FDFT1: variants seen among roughly 807,000 people sequenced by gnomAD.
FDFT1 encodes farnesyl-diphosphate farnesyltransferase 1, also known as squalene synthase.
FDFT1 carries 68 observed loss-of-function variants against 46.8 expected under a neutral mutation model. The observed-to-expected ratio is 1.45, with a 90% CI of 1.19 to 1.78. FDFT1 has a LOEUF of 1.78. Among genes scored for constraint, FDFT1 ranks in the 40% most tolerant of loss-of-function variants. The probability of loss-of-function intolerance (pLI) is 0.00; values close to 1 mark genes in which losing one functional copy is unlikely to be tolerated. For missense variants in FDFT1, 928 were observed against 524.4 expected (o/e 1.77, Z -7.52); for synonymous variants, 351 against 185.1 (o/e 1.90, Z -7.28).
At position 11,832,724 on chromosome 8, in the gene FDFT1, C is replaced by T. The variant is rs115783023; in HGVS notation, c.1032+1054C>T. Among the ~76,000 whole-genome samples, 593 of 152,066 alleles carry T rather than the reference C, an allele frequency of 3.9e-3. 2 individuals carry two copies. The highest frequency in any genetic ancestry group is 0.014 in the African/African-American group (573 of 41,500). ...TTTGATTGTCCTAACCGGCAGGAAT[C>T]GGGTGCTACTGGCATCTGGTGAGTA... is the stretch of plus-strand genomic sequence containing the variant. On this transcript the variant is annotated intron_variant, in intron 7 of 7. Coordinates refer to ENST00000220584, the MANE Select transcript of FDFT1 (RefSeq NM_004462.5).
intron 1 of FDFT1, chr8:11,803,501 C>G: frequency 8.2e-7 from 1 of 1,225,930 alleles, no homozygotes; most frequent in Non-Finnish European, 1.0e-6. Flanking sequence ...TATGGATTAG[C>G]TAGGTGGTTG....
chr8:11,822,055 C>T (rs534745610), intron 4 of FDFT1, among the ~76,000 whole-genome samples, 177 bp downstream of exon 4: 10 of 152,274 alleles, frequency 6.6e-5, no homozygotes, highest in South Asian at 6.2e-4. Flanking sequence ...AATTCCAAAC[C>T]AGCAGCTATG....
chr8:11,822,824 T>TAA (rs1809448065), intron 4 of FDFT1, among the ~76,000 whole-genome samples: 1 of 152,002 alleles, frequency 6.6e-6, no homozygotes, highest in South Asian at 2.1e-4. Flanking sequence ...TGAAAGAAAA[T>TAA]AAAGTTGAAG....
chr8:11,797,551 A>G (rs1689983436), upstream of FDFT1, among the ~76,000 whole-genome samples: 1 of 141,226 alleles, frequency 7.1e-6, no homozygotes, highest in South Asian at 2.3e-4. Flanking sequence ...CACAGCTACT[A>G]GGGAAGCTGA....
At chr8:11,812,528 G>A (rs915852826) in intron 3 of FDFT1, among the ~76,000 whole-genome samples, 1 of 152,150 alleles carries the variant, frequency 6.6e-6, no homozygotes, top group African/African-American at 2.4e-5. Flanking sequence ...GCTGCATTCT[G>A]GAATAAAACT....
intron 5 of FDFT1, among the ~76,000 whole-genome samples, chr8:11,827,695 T>G (rs546298941): frequency 2.2e-4 from 33 of 152,210 alleles, no homozygotes; most frequent in African/African-American, 7.7e-4. Context: ...CACAGATGAT[T>G]ATTAAAAATC....
exon 1 of FDFT1, chr8:11,795,594 G>C (rs369900138): frequency 1.5e-4 from 21 of 143,502 alleles, no homozygotes; most frequent in African/African-American, 5.1e-4. Flanking sequence ...CAACACGCTG[G>C]GTTTGCTTTA....
intron 3 of FDFT1, among the ~76,000 whole-genome samples, chr8:11,818,343 T>G (rs1465922395): frequency 6.6e-6 from 1 of 152,224 alleles, no homozygotes; most frequent in Non-Finnish European, 1.5e-5. Flanking sequence ...TTCTGTTGAT[T>G]TGGGGTGGAG....
At chr8:11,813,608 T>A (rs147060296) in intron 3 of FDFT1, among the ~76,000 whole-genome samples, 300 of 152,336 alleles carry the variant, frequency 2.0e-3, no homozygotes, top group African/African-American at 6.9e-3. Flanking sequence ...TCGCATACTT[T>A]ACTACCTCTA....
chr8:11,828,508 G>T (rs1282556540), intron 5 of FDFT1, among the ~76,000 whole-genome samples: 1 of 152,176 alleles, frequency 6.6e-6, no homozygotes, highest in Non-Finnish European at 1.5e-5. Flanking sequence ...CAGTCTCCCG[G>T]CTCCTAGGCC....
At chr8:11,833,263 G>C (rs922508368) in intron 7 of FDFT1, among the ~76,000 whole-genome samples, 3 of 152,172 alleles carry the variant, frequency 2.0e-5, no homozygotes, top group Non-Finnish European at 4.4e-5. Context: ...GTGGGTAGGA[G>C]TAATCTCAGG....
upstream of FDFT1, among the ~76,000 whole-genome samples, chr8:11,799,340 G>C (rs531160217): frequency 6.6e-6 from 1 of 152,306 alleles, no homozygotes; most frequent in East Asian, 1.9e-4. Context: ...TGGAGCTGCA[G>C]GTGTTTTACT....
At chr8:11,813,662 C>CT (rs1808038795) in intron 3 of FDFT1, among the ~76,000 whole-genome samples, 1 of 152,236 alleles carries the variant, frequency 6.6e-6, no homozygotes, top group African/African-American at 2.4e-5. Flanking sequence ...CCCTGCTACT[C>CT]TTACCCTCTA....
intron 2 of FDFT1, chr8:11,809,347 T>C: frequency 9.0e-7 from 1 of 1,108,536 alleles, no homozygotes; most frequent in Non-Finnish European, 1.1e-6. Context: ...TTCTTTTCTA[T>C]TTGCTACATA....
intron 3 of FDFT1, among the ~76,000 whole-genome samples, chr8:11,820,317 A>G (rs1809048961): frequency 6.6e-6 from 1 of 152,144 alleles, no homozygotes. Context: ...GACCCACTTG[A>G]GGAGGCAGTC....
In FDFT1 at chr8:11,819,447, T is replaced by G. The variant is rs921274604; in HGVS notation, c.382-2303T>G. 2.6e-5 allele frequency among the ~76,000 whole-genome samples: 4 copies of G among 151,924 alleles called. No individual in the cohort carries two copies. In the East Asian group the frequency reaches 7.7e-4, roughly 29 times the overall value. On this transcript the variant is annotated intron_variant, in intron 3 of 7. Transcript: ENST00000220584. The stretch of plus-strand genomic sequence containing the variant: ...GGATAATATACTGAAGAGTGTTTTG[T>G]AACTTGGTTCCATTCTGTCTATCAC...
At chr8:11,803,382 T>C (rs2130667619) in intron 1 of FDFT1, 3 of 1,289,830 alleles carry the variant, frequency 2.3e-6, no homozygotes, top group Non-Finnish European at 3.0e-6. Flanking sequence ...TCACCACCTC[T>C]TCCGGAGCTC....
chr8:11,815,377 A>C (rs773145195), intron 3 of FDFT1, among the ~76,000 whole-genome samples: 8 of 152,194 alleles, frequency 5.3e-5, no homozygotes, highest in Non-Finnish European at 8.8e-5. Flanking sequence ...TCCTTTGGGT[A>C]TATGCCCAGT....
chr8:11,827,395 G>A (rs1440570059), intron 5 of FDFT1, among the ~76,000 whole-genome samples: 1 of 152,112 alleles, frequency 6.6e-6, no homozygotes, highest in South Asian at 2.1e-4. Context: ...GCATGCACCT[G>A]TATTCCTAGG....
Sources: gnomAD v4.1 joint callset for allele counts (sites outside exome capture counted in the v4.1 genomes callset) on GRCh38, gnomAD v4.1.1 for gene constraint, MANE v1.5 for transcripts, NCBI Gene and HGNC (gene_info 2026-07-23, HGNC 2026-07-21) for gene names.